Variants in ADRA1A observed in about 807,000 individuals in gnomAD.
The protein encoded by ADRA1A is adrenoceptor alpha 1A.
Under a neutral mutation model 29.6 loss-of-function variants are expected in ADRA1A, and 31 were observed. That is an observed-to-expected ratio of 1.05 (90% CI 0.79 to 1.41). The LOEUF is 1.41. Among genes scored for constraint, ADRA1A ranks in the 40% most tolerant of loss-of-function variants. The probability of loss-of-function intolerance (pLI) is 0.00; values close to 1 mark genes in which losing one functional copy is unlikely to be tolerated. For synonymous variants in ADRA1A, 311 were observed against 254.3 expected, an observed-to-expected ratio of 1.22 and a Z score of -2.12; for missense variants, 619 against 601.1, an observed-to-expected ratio of 1.03 and a Z score of -0.31.
At position 26,815,808 on chromosome 8, in the gene ADRA1A, GCTGT is replaced by G. The variant is rs1809714017; in HGVS notation, c.884-45146_884-45143del. Among the ~76,000 whole-genome samples the G allele has an allele frequency of 6.6e-6, 1 of 152,214 alleles. No homozygotes were observed. The highest frequency in any genetic ancestry group is 1.5e-5 in the Non-Finnish European group (1 of 68,054). The stretch of plus-strand genomic sequence containing the variant: ...AGGCTGAAAATTAATGAGCAAAGTA[GCTGT>G]CTGTGTTCCCTATAAAACAAAGGGT... On this transcript the variant is annotated intron_variant, in intron 2 of 2. Coordinates refer to ENST00000380573, the MANE Select transcript of ADRA1A (RefSeq NM_000680.4). This position sits in a 1 kb window ranked among gnomAD's most constrained non-coding sequence, Gnocchi z 4.2.
Position 26,796,272 on chromosome 8 carries a change from T to C in ADRA1A, c.884-25606A>G, listed in dbSNP as rs1032654671. On this transcript the variant is annotated intron_variant, in intron 2 of 2. Coordinates refer to ENST00000380573, the MANE Select transcript of ADRA1A (RefSeq NM_000680.4). This position sits in a 1 kb window ranked among gnomAD's most constrained non-coding sequence, Gnocchi z 5.0. ...TGTCTCTACTTTTGTATGCATTTGA[T>C]AATATCCATAATAAATACTTAAAAT... Among the ~76,000 whole-genome samples, 1 of 152,298 alleles carries C rather than the reference T, an allele frequency of 6.6e-6. No homozygotes were observed. The highest frequency in any genetic ancestry group is 2.1e-4 in the South Asian group (1 of 4,830).
chr8:26,867,284 GT>G (rs1308498250), upstream of ADRA1A: 4 of 985,322 alleles, frequency 4.1e-6, no homozygotes, highest in East Asian at 3.4e-4. Context: ...AACTCAGGCA[GT>G]AGCCCAGCTA....
At chr8:26,791,742 A>G (rs999647502) in intron 2 of ADRA1A, among the ~76,000 whole-genome samples, 7 of 152,128 alleles carry the variant, frequency 4.6e-5, no homozygotes, top group African/African-American at 1.2e-4. Flanking sequence ...AAGCTTTTGT[A>G]TTCATTCATG....
Position 26,769,351 on chromosome 8 carries a change from A to G in ADRA1A, c.*798T>C, listed in dbSNP as rs1402012086. The G allele has an allele frequency of 2.0e-6, 2 of 985,288 alleles. No homozygotes were observed. Among genetic ancestry groups the G allele is most frequent in the Non-Finnish European group, 2.4e-6 (2 of 829,920 alleles). The allele number at this position is 985,288 out of a possible 1,614,324, so 61.0% of individuals were successfully genotyped here. A position where few individuals can be genotyped will look rare whatever the true frequency, so the allele number is the denominator to read the frequency against. The stretch of plus-strand genomic sequence containing the variant: ...AAAGCCTATCATCATCTGATCTTGG[A>G]ACTGTTTAATGGATTTTCTCTCTAG... On this transcript the variant is annotated 3_prime_UTR_variant, in exon 3 of 3. Coordinates refer to ENST00000380573, the MANE Select transcript of ADRA1A (RefSeq NM_000680.4).
In ADRA1A at chr8:26,748,895, A is replaced by T; in HGVS notation, c.1270-147T>A. The T allele has an allele frequency of 9.3e-6, 3 of 324,322 alleles. 1 individual carries two copies. The highest frequency in any genetic ancestry group is 7.1e-5 in the South Asian group (3 of 42,366). 20.1% of individuals were successfully genotyped at this position (324,322 alleles called of 1,614,324 possible). ...CCTGGCCAATGTCTTGGCACCAGTCACCTACGGACTCAACCAGAGAGGACC... is the reference window on the plus strand; with the variant it reads ...CCTGGCCAATGTCTTGGCACCAGTCTCCTACGGACTCAACCAGAGAGGACC... On this transcript the variant is annotated intron_variant, in intron 2 of 2. Transcript: ENST00000380586.
At chr8:26,794,151 C>T (rs1264745142) in intron 2 of ADRA1A, among the ~76,000 whole-genome samples, 1 of 151,966 alleles carries the variant, frequency 6.6e-6, no homozygotes, top group Non-Finnish European at 1.5e-5. Flanking sequence ...TTATTAAAAA[C>T]ATTAGGGAAT....
chr8:26,758,537 G>A (rs1483421204), intron 2 of ADRA1A, among the ~76,000 whole-genome samples: 1 of 152,158 alleles, frequency 6.6e-6, no homozygotes, highest in Non-Finnish European at 1.5e-5. Context: ...AATTGTATCT[G>A]CTAATCCCAT....
At chr8:26,760,246 G>A (rs1805428693) in intron 2 of ADRA1A, among the ~76,000 whole-genome samples, 1 of 152,220 alleles carries the variant, frequency 6.6e-6, no homozygotes, top group Non-Finnish European at 1.5e-5. Flanking sequence ...GAAATGGCAT[G>A]GGATTTTTCA....
At position 26,865,347 on chromosome 8, in the gene ADRA1A, G is replaced by T; in HGVS notation, c.-378C>A. 9.3e-7 allele frequency: 1 copy of T among 1,073,164 alleles called. No homozygotes were observed. Among genetic ancestry groups the T allele is most frequent in the Non-Finnish European group, 1.1e-6 (1 of 885,730 alleles). 66.5% of individuals were successfully genotyped at this position (1,073,164 alleles called of 1,614,324 possible). A position where few individuals can be genotyped will look rare whatever the true frequency, so the allele number is the denominator to read the frequency against. On this transcript the variant is annotated 5_prime_UTR_variant, in exon 2 of 3. Transcript: ENST00000380573. The surrounding 1 kb of genome is among the most constrained non-coding windows in gnomAD (Gnocchi z 7.6). ...GAATTACGAGAATCTGCTTTTCCGCGCTGTCTTATTCGTCCTGGCTGGGGG... is the reference window on the plus strand; with the variant it reads ...GAATTACGAGAATCTGCTTTTCCGCTCTGTCTTATTCGTCCTGGCTGGGGG...
intron 2 of ADRA1A, among the ~76,000 whole-genome samples, chr8:26,811,107 C>A (rs1809350380): frequency 6.6e-6 from 1 of 152,142 alleles, no homozygotes; most frequent in African/African-American, 2.4e-5. Flanking sequence ...TCTTTATCAT[C>A]ATTTTTGTGT....
chr8:26,777,485 G>T (rs1043597506), intron 2 of ADRA1A, among the ~76,000 whole-genome samples: 6 of 152,186 alleles, frequency 3.9e-5, no homozygotes, highest in Non-Finnish European at 8.8e-5. Flanking sequence ...CCTAATGATA[G>T]AATCTAGCTT....
intron 2 of ADRA1A, among the ~76,000 whole-genome samples, chr8:26,793,606 A>G (rs532455798): frequency 6.6e-6 from 1 of 152,130 alleles, no homozygotes; most frequent in Admixed American, 6.6e-5. Flanking sequence ...AAGTAAGAGG[A>G]AGAGTATAAT....
chr8:26,766,863 A>G (rs1319062031), downstream of ADRA1A, among the ~76,000 whole-genome samples: 1 of 152,156 alleles, frequency 6.6e-6, no homozygotes, highest in African/African-American at 2.4e-5. Context: ...GGACCTAACA[A>G]AAATCTTAAG....
intron 2 of ADRA1A, among the ~76,000 whole-genome samples, chr8:26,777,798 C>G (rs552164420): frequency 6.6e-6 from 1 of 152,216 alleles, no homozygotes; most frequent in Non-Finnish European, 1.5e-5. Flanking sequence ...TAAGGGGAAC[C>G]GGGCACACTG....
At position 26,770,482 on chromosome 8, in the gene ADRA1A, C is replaced by T. The variant is rs768088929; in HGVS notation, c.1068G>A (p.Leu356=). The part of the protein sequence containing the change: ...LCRKQSSKHA[L]GYTLHPPSQA... ...GGCTGGGCGGGTGCAGGGTGTAGCC[C>T]AGGGCATGTTTGGAAGACTGCTTTC... Residue 356 remains leucine (L), a synonymous_variant, in exon 3 of 3, where the codon CTG becomes CTA. Coordinates refer to ENST00000380573, the MANE Select transcript of ADRA1A (RefSeq NM_000680.4). 3.0e-5 allele frequency: 49 copies of T among 1,614,040 alleles called. No individual in the cohort carries two copies. The highest frequency in any genetic ancestry group is 5.3e-5 in the African/African-American group (4 of 74,914).
chr8:26,825,436 C>T lies in ADRA1A; in HGVS notation c.883+38651G>A, dbSNP rs192739023. Among the ~76,000 whole-genome samples, 26 of 152,118 alleles carry T rather than the reference C, an allele frequency of 1.7e-4. No homozygotes were observed. The highest frequency in any genetic ancestry group is 3.4e-3 in the Middle Eastern group (1 of 294). ...ATGGAGTTTCTTTGTTTTCTAATTC[C>T]GCCCTACTTCGTTTCCTATAAGGGG... On this transcript the variant is annotated intron_variant, in intron 2 of 2. Coordinates refer to ENST00000380573, the MANE Select transcript of ADRA1A (RefSeq NM_000680.4). This position sits in a 1 kb window ranked among gnomAD's most constrained non-coding sequence, Gnocchi z 5.7.
At position 26,805,890 on chromosome 8, in the gene ADRA1A, A is replaced by G. The variant is rs1387761928; in HGVS notation, c.884-35224T>C. On this transcript the variant is annotated intron_variant, in intron 2 of 2. Transcript: ENST00000380573. This position sits in a 1 kb window ranked among gnomAD's most constrained non-coding sequence, Gnocchi z 4.8. ...CAAGTGACGTTGGCCCTTGATAAAGACACAGCTTATCAGAGCCTGTGCCCC... is the reference window on the plus strand; with the variant it reads ...CAAGTGACGTTGGCCCTTGATAAAGGCACAGCTTATCAGAGCCTGTGCCCC... 6.6e-6 allele frequency among the ~76,000 whole-genome samples: 1 copy of G among 152,178 alleles called. No homozygotes were observed. Among genetic ancestry groups the G allele is most frequent in the Non-Finnish European group, 1.5e-5 (1 of 68,034 alleles).
chr8:26,813,489 TATCC>T (rs35199156), intron 2 of ADRA1A, among the ~76,000 whole-genome samples: 9,738 of 149,870 alleles, frequency 0.065, 574 homozygotes, highest in East Asian at 0.24. Context: ...CTCTTGCATC[TATCC>T]ATCCATCCAT....
chr8:26,818,222 G>T (rs911708671), intron 2 of ADRA1A, among the ~76,000 whole-genome samples: 5 of 152,164 alleles, frequency 3.3e-5, no homozygotes, highest in Non-Finnish European at 5.9e-5. Context: ...GTGGGTAATA[G>T]AACTTTTCTG....
Sources: gnomAD v4.1 joint callset for allele counts (sites outside exome capture counted in the v4.1 genomes callset) on GRCh38, gnomAD v4.1.1 for gene constraint, Gnocchi (gnomAD v3.1) non-coding constraint, MANE v1.5 for transcripts, NCBI Gene and HGNC (gene_info 2026-07-23, HGNC 2026-07-21) for gene names.